The following ADAM9 variants were observed in gnomAD, a reference collection of about 807,000 sequenced individuals.
ADAM9 encodes ADAM metallopeptidase domain 9.
A neutral mutation model predicts 108.1 loss-of-function variants in ADAM9; 54 were observed. That is an observed-to-expected ratio of 0.50 (90% confidence interval 0.40 to 0.63). The LOEUF (loss-of-function observed/expected upper bound fraction) is 0.63. ADAM9 is among the 20% of genes least tolerant of loss of function. ADAM9 has a pLI of 0.00. For missense variants in ADAM9, 830 were observed against 997.7 expected (o/e 0.83, Z 2.26); for synonymous variants, 316 against 336.0 (o/e 0.94, Z 0.65).
In ADAM9 at chr8:39,082,994, CTG is replaced by C; in HGVS notation, c.1992_1993del (p.Cys664Ter). 1 of 1,613,864 alleles carries C rather than the reference CTG, an allele frequency of 6.2e-7. No homozygotes were observed. Among genetic ancestry groups the C allele is most frequent in the Non-Finnish European group, 8.5e-7 (1 of 1,179,782 alleles). The stretch of plus-strand genomic sequence containing the variant: ...TATGTAATAGCAATAAGAATTGTCA[CTG>C]TGAAAATGGCTGGGCTCCCCCAAAT... ...GVCNSNKNCH[C>X]ENGWAPPNCE... On this transcript the variant is annotated frameshift_variant, in exon 18 of 22. Transcript: ENST00000487273. LOFTEE classifies it high-confidence loss of function.
chr8:39,048,781 T>TAATA (rs1218530240), intron 12 of ADAM9, among the ~76,000 whole-genome samples: 1 of 152,156 alleles, frequency 6.6e-6, no homozygotes, highest in African/African-American at 2.4e-5. Context: ...TATTTATTAT[T>TAATA]GTTATATCTT....
At position 39,009,972 on chromosome 8, in the gene ADAM9, C is replaced by T. The variant is rs1001829839; in HGVS notation, c.196-1686C>T. ...AACAACAACAAAAACAAACCCCCCC[C>T]CCCAAACCAAAAATGTATATTACTT... On this transcript the variant is annotated intron_variant, in intron 2 of 21. Coordinates refer to ENST00000487273, the MANE Select transcript of ADAM9 (RefSeq NM_003816.3). Among the ~76,000 whole-genome samples the T allele has an allele frequency of 2.0e-5, 3 of 149,332 alleles. No homozygotes were observed. The South Asian group carries it at 6.5e-4, about 32-fold the overall frequency.
chr8:39,028,486 G>C (rs1230318488), intron 11 of ADAM9, among the ~76,000 whole-genome samples: 6 of 152,140 alleles, frequency 3.9e-5, no homozygotes, highest in African/African-American at 9.7e-5. Flanking sequence ...GTGAGTTCAG[G>C]GAAACAAGAA....
At chr8:39,054,602 G>A (rs1389256540) in intron 13 of ADAM9, 29 bp downstream of exon 13, 3,887 of 944,142 alleles carry the variant, frequency 4.1e-3, no homozygotes, top group South Asian at 8.8e-3. Flanking sequence ...TTGGAAACAG[G>A]AAAAAAAAAA....
At chr8:39,103,091 A>G (rs1311746276) in intron 21 of ADAM9, among the ~76,000 whole-genome samples, 1 of 152,212 alleles carries the variant, frequency 6.6e-6, no homozygotes, top group Admixed American at 6.5e-5. Flanking sequence ...GTAGAGGTGT[A>G]CTAGAATTGG....
At position 39,021,816 on chromosome 8, in the gene ADAM9, C is replaced by T. The variant is rs1051464369; in HGVS notation, c.744+102C>T. The T allele has an allele frequency of 8.0e-6, 8 of 1,004,378 alleles. No individual in the cohort carries two copies. The African/African-American group carries it at 9.6e-5, about 12-fold the overall frequency. 62.2% of individuals were successfully genotyped at this position (1,004,378 alleles called of 1,614,324 possible). Reference sequence around the variant, plus strand: ...ATTTTGAGTTCTGATTTTCATAGGGCCTCAATGACTTAGTCTTTCAGAGGT... The same window carrying T: ...ATTTTGAGTTCTGATTTTCATAGGGTCTCAATGACTTAGTCTTTCAGAGGT... On this transcript the variant is annotated intron_variant, in intron 8 of 21. Coordinates refer to ENST00000487273, the MANE Select transcript of ADAM9 (RefSeq NM_003816.3).
At chr8:39,020,225 C>T (rs181301183) in intron 7 of ADAM9, among the ~76,000 whole-genome samples, 573 of 152,254 alleles carry the variant, frequency 3.8e-3, no homozygotes, top group Non-Finnish European at 5.5e-3. Flanking sequence ...GCACTGCAGC[C>T]TGGGTGACAG....
At chr8:39,001,823 C>G (rs912145881) in intron 1 of ADAM9, among the ~76,000 whole-genome samples, 2 of 151,804 alleles carry the variant, frequency 1.3e-5, no homozygotes, top group African/African-American at 4.8e-5. Context: ...GCGTGCGCCA[C>G]CACACCTGGC....
intron 11 of ADAM9, among the ~76,000 whole-genome samples, chr8:39,033,193 TTA>T (rs756148898): frequency 1.3e-5 from 2 of 152,250 alleles, no homozygotes; most frequent in Non-Finnish European, 2.9e-5. Context: ...GTACATGATA[TTA>T]TGTTTTTAAT....
At chr8:39,102,074 T>G in intron 21 of ADAM9, 144 bp downstream of exon 21, 1 of 751,194 alleles carries the variant, frequency 1.3e-6, no homozygotes. Context: ...AGAAAGGTTT[T>G]AAAATAACTT....
chr8:39,080,948 G>A (rs1199880277), intron 16 of ADAM9, among the ~76,000 whole-genome samples: 2 of 108,766 alleles, frequency 1.8e-5, no homozygotes, highest in South Asian at 3.2e-4. Context: ...CACTGTGAGA[G>A]TTTTTTTTTT....
At chr8:39,026,947 C>T in intron 11 of ADAM9, 137 bp downstream of exon 11, 1 of 1,078,920 alleles carries the variant, frequency 9.3e-7, no homozygotes, top group South Asian at 1.5e-5. Context: ...GCATGACATA[C>T]CAATGAGAAG....
chr8:39,097,448 A>G (rs574676443), intron 20 of ADAM9, among the ~76,000 whole-genome samples: 1 of 152,066 alleles, frequency 6.6e-6, no homozygotes, highest in South Asian at 2.1e-4. Flanking sequence ...CTGGGAATAC[A>G]GGCATGCGCC....
Position 39,077,354 on chromosome 8 carries a change from A to T in ADAM9, c.1824A>T (p.Gly608=), listed in dbSNP as rs769937897. The change falls in exon 16 of 22, where the codon GGA becomes GGT. Residue 608 remains glycine, a synonymous_variant. Transcript: ENST00000487273. ...TKCWGVDFQL[G]SDVPDPGMVN... is the part of the protein sequence containing the mutation. ...GTTGGGGTGTGGATTTCCAGCTAGG[A>T]TCAGATGTTCCAGATCCTGGGATGG... The T allele has an allele frequency of 6.2e-7, 1 of 1,614,004 alleles. No individual in the cohort carries two copies.
intron 14 of ADAM9, among the ~76,000 whole-genome samples, chr8:39,061,609 T>G (rs796442915): frequency 1.4e-4 from 22 of 152,272 alleles, no homozygotes; most frequent in African/African-American, 5.3e-4. Context: ...TAATTAATAG[T>G]GAACAGAAAT....
intron 13 of ADAM9, among the ~76,000 whole-genome samples, chr8:39,054,949 A>G (rs910517909): frequency 6.6e-6 from 1 of 152,112 alleles, no homozygotes; most frequent in Non-Finnish European, 1.5e-5. Flanking sequence ...ATGTGAGTGT[A>G]TGTGTGTATG....
intron 14 of ADAM9, among the ~76,000 whole-genome samples, chr8:39,069,629 AAGC>A (rs1838611086): frequency 6.6e-6 from 1 of 152,174 alleles, no homozygotes; most frequent in Non-Finnish European, 1.5e-5. Context: ...ACACAACAGA[AAGC>A]AGCAAAACCA....
chr8:39,009,268 G>A (rs1836267080), intron 2 of ADAM9, among the ~76,000 whole-genome samples: 1 of 152,182 alleles, frequency 6.6e-6, no homozygotes, highest in South Asian at 2.1e-4. Context: ...TTTTGTCTTA[G>A]GATAGAGTTA....
In ADAM9 at chr8:39,023,315, C is replaced by G; in HGVS notation, c.904C>G (p.Gln302Glu). The G allele has an allele frequency of 6.2e-7, 1 of 1,610,192 alleles. No individual in the cohort carries two copies. Among genetic ancestry groups the G allele is most frequent in the Non-Finnish European group, 8.5e-7 (1 of 1,178,538 alleles). ...CACACGTCGGAGACATGACAGTGCA[C>G]AGCTAGTTCTGTAAGTATTTTTTTT... is the stretch of plus-strand genomic sequence containing the variant. ...LITRRRHDSAQLVLKKGFGGT... is the reference protein window; with the variant it reads ...LITRRRHDSAELVLKKGFGGT... Residue 302 changes from glutamine (Q) to glutamate (E), a missense_variant, in exon 9 of 22, where the codon CAG becomes GAG. Physicochemically the swap from Gln to Glu is conservative, Grantham distance 29. Around this residue, in one of 3 missense-constraint regions of ADAM9, gnomAD observed 381 missense variants for 539.8 expected, o/e 0.71. Transcript: ENST00000487273.
Sources: gnomAD v4.1 joint callset for allele counts (sites outside exome capture counted in the v4.1 genomes callset) on GRCh38, gnomAD v4.1.1 for gene constraint, gnomAD v4.1.1 regional missense constraint, MANE v1.5 for transcripts, NCBI Gene and HGNC (gene_info 2026-07-23, HGNC 2026-07-21) for gene names.